NSMCE2: variants seen among roughly 807,000 people sequenced by gnomAD.
The protein encoded by NSMCE2 is E3 SUMO-protein ligase NSE2.
A neutral mutation model predicts 23.8 loss-of-function variants in NSMCE2; 24 were observed. The ratio of observed to expected loss-of-function variants is 1.01; its 90% CI spans 0.73 to 1.42. NSMCE2 has a LOEUF of 1.42. Ranked by LOEUF, NSMCE2 falls within the 40% of genes most tolerant of loss-of-function variation. The probability of loss-of-function intolerance (pLI) is 0.00; values close to 1 mark genes in which losing one functional copy is unlikely to be tolerated. For missense variants in NSMCE2, 284 were observed against 296.5 expected, an observed-to-expected ratio of 0.96 and a Z score of 0.31; for synonymous variants, 92 against 94.1, an observed-to-expected ratio of 0.98 and a Z score of 0.13.
At chr8:125,166,423 C>T (rs1173860140) in intron 4 of NSMCE2, among the ~76,000 whole-genome samples, 7 of 152,082 alleles carry the variant, frequency 4.6e-5, no homozygotes, top group African/African-American at 1.4e-4. Flanking sequence ...CGTACCACCA[C>T]ACCTGGCTAA....
At chr8:125,252,344 C>T (rs536151068) in intron 5 of NSMCE2, among the ~76,000 whole-genome samples, 36 of 152,204 alleles carry the variant, frequency 2.4e-4, no homozygotes, top group African/African-American at 8.2e-4. Context: ...CTGGCTAACA[C>T]GGTGAAACCC....
At chr8:125,283,128 A>G (rs986191485) in intron 5 of NSMCE2, among the ~76,000 whole-genome samples, 4 of 152,238 alleles carry the variant, frequency 2.6e-5, no homozygotes, top group Admixed American at 6.5e-5. Flanking sequence ...AGTTATGACA[A>G]TGATTAAATA....
At chr8:125,173,436 T>C (rs1482964235) in intron 4 of NSMCE2, among the ~76,000 whole-genome samples, 2 of 152,194 alleles carry the variant, frequency 1.3e-5, no homozygotes, top group Non-Finnish European at 2.9e-5. Flanking sequence ...TCTGAGCATC[T>C]TGGGAGACAC....
In NSMCE2 at chr8:125,357,335, A is replaced by G. The variant is rs374131070; in HGVS notation, c.519+16A>G. On this transcript the variant is annotated intron_variant, in intron 6 of 7. Coordinates refer to ENST00000287437, the MANE Select transcript of NSMCE2 (RefSeq NM_173685.4). The stretch of plus-strand genomic sequence containing the variant: ...CATTACAAAGGTACCGCTTCCTCCT[A>G]CTTCCCCTGAAAGAAACACGATTCA... The G allele has an allele frequency of 2.3e-5, 34 of 1,490,912 alleles. No homozygotes were observed. The highest frequency in any genetic ancestry group is 1.5e-4 in the Admixed American group (9 of 59,312). The allele number at this position is 1,490,912 out of a possible 1,614,324, so 92.4% of individuals were successfully genotyped here.
chr8:125,093,971 T>C (rs1316674475), intron 1 of NSMCE2, among the ~76,000 whole-genome samples: 1 of 137,564 alleles, frequency 7.3e-6, no homozygotes, highest in Non-Finnish European at 1.6e-5. Context: ...TAAGTTTAAA[T>C]TTTTTTTTTT....
chr8:125,333,760 G>A (rs913575897), intron 5 of NSMCE2, among the ~76,000 whole-genome samples: 51 of 151,960 alleles, frequency 3.4e-4, no homozygotes, highest in Admixed American at 1.1e-3. Flanking sequence ...TGATCCGCCC[G>A]CCTCGGCCTC....
chr8:125,312,865 C>T (rs562987797), intron 5 of NSMCE2, among the ~76,000 whole-genome samples: 9 of 151,964 alleles, frequency 5.9e-5, no homozygotes, highest in Middle Eastern at 3.2e-3. Flanking sequence ...TTAGAAAAAG[C>T]CTCTCTGAGG....
chr8:125,145,677 G>A (rs890975738), intron 3 of NSMCE2, among the ~76,000 whole-genome samples: 2 of 152,200 alleles, frequency 1.3e-5, no homozygotes, highest in African/African-American at 2.4e-5. Flanking sequence ...GGAGTCAAAT[G>A]TGTGGCTAAT....
At chr8:125,274,999 G>GATAATAATAATAATAATA (rs72261443) in intron 5 of NSMCE2, among the ~76,000 whole-genome samples, 1 of 142,420 alleles carries the variant, frequency 7.0e-6, no homozygotes, top group African/African-American at 2.6e-5. Context: ...ATCTGAAGAT[G>GATAATAATAATAATAATA]ATAATAATAA....
intron 3 of NSMCE2, among the ~76,000 whole-genome samples, chr8:125,114,596 C>G (rs188622467): frequency 6.6e-6 from 1 of 152,294 alleles, no homozygotes; most frequent in East Asian, 1.9e-4. Flanking sequence ...ACATTTCTGG[C>G]TGTCACAACT....
intron 3 of NSMCE2, among the ~76,000 whole-genome samples, chr8:125,111,903 A>G (rs1223965202): frequency 1.3e-5 from 2 of 152,078 alleles, no homozygotes; most frequent in African/African-American, 4.8e-5. Context: ...TACATTCTGG[A>G]TTTTTCACTG....
chr8:125,354,678 G>C (rs1201241022), intron 5 of NSMCE2, among the ~76,000 whole-genome samples: 2 of 152,136 alleles, frequency 1.3e-5, no homozygotes, highest in African/African-American at 2.4e-5. Context: ...CTGGTTTAGG[G>C]GACAGCAAGC....
At position 125,200,546 on chromosome 8, in the gene NSMCE2, G is replaced by C. The variant is rs1034291965; in HGVS notation, c.418+18290G>C. On this transcript the variant is annotated intron_variant, in intron 5 of 7. Transcript: ENST00000287437. Reference sequence around the variant, plus strand: ...TAAGATTTCTGCTGAGAGATCCGCTGTTAGTCTGATGGGCTTCCCTTTGTG... The same window carrying C: ...TAAGATTTCTGCTGAGAGATCCGCTCTTAGTCTGATGGGCTTCCCTTTGTG... 4.5e-4 allele frequency among the ~76,000 whole-genome samples: 68 copies of C among 152,042 alleles called. 1 individual carries two copies. Among genetic ancestry groups the C allele is most frequent in the African/African-American group, 1.6e-3 (66 of 41,396 alleles).
At chr8:125,134,402 T>TAGTC (rs1380518715) in intron 3 of NSMCE2, among the ~76,000 whole-genome samples, 1 of 152,204 alleles carries the variant, frequency 6.6e-6, no homozygotes, top group African/African-American at 2.4e-5. Context: ...GGGAACTCTA[T>TAGTC]AGTCGCTCCC....
chr8:125,257,053 G>A (rs910661641), intron 5 of NSMCE2, among the ~76,000 whole-genome samples: 2 of 149,820 alleles, frequency 1.3e-5, no homozygotes, highest in East Asian at 4.0e-4. Flanking sequence ...GGAAACCTAA[G>A]CGGGCAGATC....
intron 4 of NSMCE2, among the ~76,000 whole-genome samples, chr8:125,177,597 A>G (rs1433605938): frequency 3.3e-5 from 5 of 152,220 alleles, no homozygotes; most frequent in Non-Finnish European, 7.3e-5. Context: ...CACTAGGGAC[A>G]TAATCCTTGT....
chr8:125,141,137 A>C (rs1033638295), intron 3 of NSMCE2, among the ~76,000 whole-genome samples: 2 of 152,202 alleles, frequency 1.3e-5, no homozygotes, highest in African/African-American at 4.8e-5. Context: ...CAGTATTTTG[A>C]ATTATACCAC....
intron 5 of NSMCE2, among the ~76,000 whole-genome samples, chr8:125,213,527 CTCCT>C (rs1824438139): frequency 1.4e-5 from 2 of 139,574 alleles, no homozygotes; most frequent in Non-Finnish European, 3.2e-5. Flanking sequence ...CTCCTCTCCT[CTCCT>C]CTCCTCTCCC....
intron 5 of NSMCE2, among the ~76,000 whole-genome samples, chr8:125,335,537 G>T (rs1830041653): frequency 6.6e-6 from 1 of 152,184 alleles, no homozygotes; most frequent in Admixed American, 6.5e-5. Flanking sequence ...TGGATAGCCA[G>T]CCAGGAGGTA....
Sources: allele counts gnomAD v4.1 joint callset (sites outside exome capture counted in the v4.1 genomes callset), GRCh38; gene constraint gnomAD v4.1.1; transcripts MANE v1.5; gene names NCBI Gene and HGNC (gene_info 2026-07-23, HGNC 2026-07-21).